The following TASOR variants were observed in gnomAD, a reference collection of about 807,000 sequenced individuals.
TASOR encodes protein TASOR.
In TASOR, 53 loss-of-function variants were observed where a neutral mutation model predicts 178.6. The observed-to-expected ratio is 0.30, with a 90% CI of 0.24 to 0.37. The LOEUF (loss-of-function observed/expected upper bound fraction) is 0.37, where lower values mean the gene tolerates loss of function less well. Among genes scored for constraint, TASOR ranks in the 10% least tolerant of loss-of-function variants. TASOR has a pLI of 1.00. For synonymous variants in TASOR, 713 were observed against 696.2 expected, an observed-to-expected ratio of 1.02 and a Z score of -0.38; for missense variants, 1,815 against 1,971.4, an observed-to-expected ratio of 0.92 and a Z score of 1.50.
chr3:56,660,489 CAA>C (rs35016053), intron 11 of TASOR, among the ~76,000 whole-genome samples: 8 of 66,050 alleles, frequency 1.2e-4, no homozygotes, highest in Middle Eastern at 7.9e-3. Context: ...GACTCCGTCT[CAA>C]AAAAAAAAAA....
intron 18 of TASOR, 62 bp downstream of exon 18, chr3:56,632,982 A>T: frequency 1.5e-6 from 2 of 1,313,482 alleles, no homozygotes; most frequent in Non-Finnish European, 2.1e-6. Context: ...CTTCCATTTT[A>T]TAGAGGTCAC....
At chr3:56,647,345 C>G (rs542998176) in intron 13 of TASOR, 122 bp from the exon 14 acceptor site, 15 of 704,958 alleles carry the variant, frequency 2.1e-5, no homozygotes, top group Non-Finnish European at 2.2e-6. Flanking sequence ...TTGAACCAGA[C>G]GAGTATGTAC....
intron 11 of TASOR, among the ~76,000 whole-genome samples, chr3:56,650,884 T>G (rs2077339029): frequency 1.3e-5 from 2 of 152,224 alleles, no homozygotes; most frequent in African/African-American, 4.8e-5. Context: ...TTATCCAAAG[T>G]ATTTTAGATA....
At chr3:56,651,975 C>G (rs558778584) in intron 11 of TASOR, among the ~76,000 whole-genome samples, 58 of 152,218 alleles carry the variant, frequency 3.8e-4, no homozygotes, top group Middle Eastern at 3.4e-3. Flanking sequence ...GTATTATCTA[C>G]ACAATGAAAG....
intron 17 of TASOR, among the ~76,000 whole-genome samples, chr3:56,635,857 AT>A (rs1486654653): frequency 2.6e-5 from 4 of 152,244 alleles, no homozygotes; most frequent in Non-Finnish European, 4.4e-5. Context: ...AGGGTTATAA[AT>A]AAAGGGAATA....
chr3:56,653,292 A>C (rs547332707), intron 11 of TASOR, among the ~76,000 whole-genome samples: 1 of 142,636 alleles, frequency 7.0e-6, no homozygotes, highest in South Asian at 2.2e-4. Flanking sequence ...AAAAAAAAGA[A>C]AAGACAAGCT....
At position 56,660,820 on chromosome 3, in the gene TASOR, T is replaced by C; in HGVS notation, c.1279A>G (p.Met427Val). 1 of 1,613,734 alleles carries C rather than the reference T, an allele frequency of 6.2e-7. No homozygotes were observed. The highest frequency in any genetic ancestry group is 8.5e-7 in the Non-Finnish European group (1 of 1,179,924). The change falls in exon 11 of 24, where the codon ATG becomes GTG. Residue 427 changes from methionine (M) to valine (V), a missense_variant. This residue lies in a region of TASOR where 504 missense variants were observed against 645.3 expected (regional missense o/e 0.78). Transcript: ENST00000683822. ...ACAACTTCATAAAGGCTGCAATACA[T>C]TCCATTCTTCAAAACTGACATAAGA... The part of the protein sequence containing the change: ...LGPNEVLKNG[M>V]YCSLYEVVEK...
Position 56,633,673 on chromosome 3 carries a change from T to A in TASOR, c.3118A>T (p.Asn1040Tyr). ...RKIEEILKQKNVSYVSTVSTP... is the reference protein window; with the variant it reads ...RKIEEILKQKYVSYVSTVSTP... ...GAAACTGTACTGACATATGAAACATTCTTTTGCTTCAAAATCTCTTCTATC... is the reference window on the plus strand; with the variant it reads ...GAAACTGTACTGACATATGAAACATACTTTTGCTTCAAAATCTCTTCTATC... The change falls in exon 18 of 24, where the codon AAT (asparagine) becomes TAT (tyrosine). Residue 1040 changes from asparagine (N) to tyrosine (Y), a missense_variant. Physicochemically the swap from Asn to Tyr is moderately radical, Grantham distance 143 (BLOSUM62 -2). Around this residue, in one of 5 missense-constraint regions of TASOR, gnomAD observed 655 missense variants for 671.1 expected, o/e 0.98. Transcript: ENST00000683822. The A allele has an allele frequency of 6.2e-7, 1 of 1,614,162 alleles. No homozygotes were observed.
Position 56,660,745 on chromosome 3 carries a change from C to T in TASOR, c.1354G>A (p.Asp452Asn). ...SNMESLLQKLDREKLVLVKPL... is the reference protein window; with the variant it reads ...SNMESLLQKLNREKLVLVKPL... ...TTTTCACTCACAAGTTTTTCTCTGT[C>T]TAGTTTTTGCAGTAAACTCTCCATG... The change falls in exon 11 of 24, where the codon GAC (aspartate) becomes AAC (asparagine). Residue 452 changes from aspartate (D) to asparagine (N), a missense_variant. Coordinates refer to ENST00000683822, the MANE Select transcript of TASOR (RefSeq NM_001365635.2). 6.2e-7 allele frequency: 1 copy of T among 1,613,044 alleles called. No homozygotes were observed. The highest frequency in any genetic ancestry group is 1.1e-5 in the South Asian group (1 of 90,864).
At position 56,641,514 on chromosome 3, in the gene TASOR, A is replaced by G. The variant is rs2077124171; in HGVS notation, c.2454T>C (p.Ser818=). The G allele has an allele frequency of 4.3e-6, 7 of 1,613,956 alleles. No individual in the cohort carries two copies. The highest frequency in any genetic ancestry group is 1.7e-5 in the Admixed American group (1 of 60,002). ...GCTCATAGTCTTTCTTATCTGGGGT[A>G]GAGTTCAACTCATACTCATGTTTTT... ...LRQKHEYELN[S]TPDKKDYEQP... The change falls in exon 15 of 24, where the codon TCT becomes TCC. Residue 818 remains serine (S), a synonymous_variant. Transcript: ENST00000683822.
chr3:56,621,427 A>G lies in TASOR; in HGVS notation c.*1610T>C, dbSNP rs2107508696. ...AAAAATTTTTGAATGACAAAATTTT[A>G]TCCTAAGCGATATGTTTTCCAAGTG... On this transcript the variant is annotated 3_prime_UTR_variant, in exon 24 of 24. Transcript: ENST00000683822. 1.3e-6 allele frequency: 1 copy of G among 789,166 alleles called. No individual in the cohort carries two copies. The highest frequency in any genetic ancestry group is 2.7e-5 in the East Asian group (1 of 37,144). 48.9% of individuals were successfully genotyped at this position (789,166 alleles called of 1,614,324 possible). A position where few individuals can be genotyped will look rare whatever the true frequency, so the allele number is the denominator to read the frequency against.
At chr3:56,624,734 A>C in intron 22 of TASOR, 91 bp from the exon 23 acceptor site, 1 of 1,547,512 alleles carries the variant, frequency 6.5e-7, no homozygotes, top group Non-Finnish European at 8.8e-7. Context: ...ACATTTTCAG[A>C]ATCAAAGCTT....
At chr3:56,663,776 A>G (rs2107616303) in intron 7 of TASOR, 2 of 1,026,596 alleles carry the variant, frequency 1.9e-6, no homozygotes, top group Non-Finnish European at 2.3e-6. Context: ...ACTTCGCTCA[A>G]ATTACCACAT....
chr3:56,648,878 T>C lies in TASOR; in HGVS notation c.1457A>G (p.Lys486Arg), dbSNP rs572730841. 6.8e-6 allele frequency: 11 copies of C among 1,612,066 alleles called. No individual in the cohort carries two copies. Among genetic ancestry groups the C allele is most frequent in the African/African-American group, 6.7e-5 (5 of 74,858 alleles). Residue 486 changes from lysine to arginine, a missense_variant, in exon 13 of 24, where the codon AAG (lysine) becomes AGG (arginine). This residue lies in a region of TASOR where 504 missense variants were observed against 645.3 expected (regional missense o/e 0.78). Transcript: ENST00000683822. Reference sequence around the variant, plus strand: ...AAACAAAGCATGTAGGACTCGAGACTTGGCAGTCTGATATTCTAAAAAACA... The same window carrying C: ...AAACAAAGCATGTAGGACTCGAGACCTGGCAGTCTGATATTCTAAAAAACA... Reference protein sequence around the residue: ...MVPPYEYQTAKSRVLHALFLF... With the variant: ...MVPPYEYQTARSRVLHALFLF...
chr3:56,678,769 G>C (rs2031541747), intron 1 of TASOR, among the ~76,000 whole-genome samples: 1 of 152,256 alleles, frequency 6.6e-6, no homozygotes, highest in African/African-American at 2.4e-5. Context: ...CCAGCACTTT[G>C]GGAGGCCAAG....
At chr3:56,627,448 A>T (rs2076823386) in intron 20 of TASOR, 134 bp downstream of exon 20, 1 of 980,768 alleles carries the variant, frequency 1.0e-6, no homozygotes, top group Admixed American at 2.6e-5. Flanking sequence ...AGGAGAAAGA[A>T]ATTTGAGGTA....
Position 56,640,097 on chromosome 3 carries a change from CTTCAAAATTA to C in TASOR, c.2643_2652del (p.Asn881LysfsTer34). 1 of 1,613,438 alleles carries C rather than the reference CTTCAAAATTA, an allele frequency of 6.2e-7. No individual in the cohort carries two copies. The highest frequency in any genetic ancestry group is 8.5e-7 in the Non-Finnish European group (1 of 1,179,724). On this transcript the variant is annotated frameshift_variant, in exon 16 of 24. Transcript: ENST00000683822. LOFTEE classifies it high-confidence loss of function. ...GGAACACTGGGACACAAACTGCAAT[CTTCAAAATTA>C]TTCACGCTAATTAAATTTGGATCCT...
intron 11 of TASOR, among the ~76,000 whole-genome samples, chr3:56,657,130 C>G (rs148093861): frequency 1.3e-5 from 2 of 152,054 alleles, no homozygotes; most frequent in African/African-American, 4.8e-5. Context: ...GAGTTCAAGA[C>G]CAGCCTGGCC....
Position 56,670,264 on chromosome 3 carries a change from A to G in TASOR, c.571-119T>C, listed in dbSNP as rs2030539694. 5.5e-6 allele frequency: 3 copies of G among 549,108 alleles called. No homozygotes were observed. The Admixed American group carries it at 1.0e-4, about 19-fold the overall frequency. The allele number at this position is 549,108 out of a possible 1,614,324, so 34.0% of individuals were successfully genotyped here. ...GCTTCTTAACTATGTATCATTCTAGATCACAGAAATCTTATATATTTGCCA... is the reference window on the plus strand; with the variant it reads ...GCTTCTTAACTATGTATCATTCTAGGTCACAGAAATCTTATATATTTGCCA... On this transcript the variant is annotated intron_variant, in intron 3 of 23. Transcript: ENST00000683822.
Sources: allele counts gnomAD v4.1 joint callset (sites outside exome capture counted in the v4.1 genomes callset), GRCh38; gene constraint gnomAD v4.1.1; regional missense constraint gnomAD v4.1.1; transcripts MANE v1.5; gene names NCBI Gene and HGNC (gene_info 2026-07-23, HGNC 2026-07-21).